Variants in PDZD2 observed in about 807,000 individuals in gnomAD.
The protein encoded by PDZD2 is PDZ domain containing 2.
In PDZD2, 90 loss-of-function variants were observed where a neutral mutation model predicts 220.7. That is an observed-to-expected ratio of 0.41 (90% CI 0.34 to 0.49). The LOEUF (loss-of-function observed/expected upper bound fraction) is 0.49. Among genes scored for constraint, PDZD2 ranks in the 20% least tolerant of loss-of-function variants. The probability of loss-of-function intolerance (pLI) is 0.28; values close to 1 mark genes in which losing one functional copy is unlikely to be tolerated. For synonymous variants in PDZD2, 1,375 were observed against 1,450.5 expected, an observed-to-expected ratio of 0.95 and a Z score of 1.18; for missense variants, 3,174 against 3,608.5, an observed-to-expected ratio of 0.88 and a Z score of 3.08.
Position 32,089,769 on chromosome 5 carries a change from C to A in PDZD2, c.6321C>A (p.Asn2107Lys). The A allele has an allele frequency of 6.2e-7, 1 of 1,614,164 alleles. No individual in the cohort carries two copies. The highest frequency in any genetic ancestry group is 8.5e-7 in the Non-Finnish European group (1 of 1,180,006). ...AEAVSETVCG[N>K]KPAESDRRGG... The stretch of plus-strand genomic sequence containing the variant: ...CAGTGTCAGAGACTGTATGTGGTAA[C>A]AAGCCAGCTGAAAGCGACAGACGGG... Residue 2107 changes from asparagine (N) to lysine (K), a missense_variant, in exon 20 of 25, where the codon AAC becomes AAA. This residue lies in a region of PDZD2 where 1,861 missense variants were observed against 2,001.0 expected (regional missense o/e 0.93). Transcript: ENST00000438447.
chr5:31,923,095 C>G (rs1744423962), intron 2 of PDZD2, among the ~76,000 whole-genome samples: 1 of 151,822 alleles, frequency 6.6e-6, no homozygotes, highest in Non-Finnish European at 1.5e-5. Flanking sequence ...GAGTTCAAGA[C>G]CAGCCTGGCC....
At chr5:31,645,968 C>T (rs552314672) in intron 1 of PDZD2, among the ~76,000 whole-genome samples, 32 of 151,858 alleles carry the variant, frequency 2.1e-4, no homozygotes, top group Non-Finnish European at 3.5e-4. Context: ...GGGAACTGGG[C>T]TGCCTTACAT....
At chr5:32,055,639 C>T (rs1247380518) in intron 10 of PDZD2, among the ~76,000 whole-genome samples, 1 of 152,140 alleles carries the variant, frequency 6.6e-6, no homozygotes, top group African/African-American at 2.4e-5. Context: ...GTTCAATTGA[C>T]CTAAACTTCA....
intron 1 of PDZD2, among the ~76,000 whole-genome samples, chr5:31,726,943 G>A (rs1290709712): frequency 1.3e-5 from 2 of 152,202 alleles, no homozygotes; most frequent in Non-Finnish European, 2.9e-5. Flanking sequence ...CTTCTGGGGG[G>A]CCTCAGGGAG....
intron 2 of PDZD2, among the ~76,000 whole-genome samples, chr5:31,972,560 C>T (rs1749401336): frequency 6.6e-6 from 1 of 152,150 alleles, no homozygotes; most frequent in Non-Finnish European, 1.5e-5. Context: ...ACTTCTGTGT[C>T]CTCAAATGCC....
intron 24 of PDZD2, among the ~76,000 whole-genome samples, chr5:32,101,759 T>C (rs1744273521): frequency 6.6e-6 from 1 of 152,264 alleles, no homozygotes; most frequent in Non-Finnish European, 1.5e-5. Flanking sequence ...GGGGGATAGA[T>C]ATTATTGAAA....
chr5:32,076,584 G>A (rs886277465), intron 18 of PDZD2, among the ~76,000 whole-genome samples: 7 of 152,096 alleles, frequency 4.6e-5, no homozygotes, highest in Non-Finnish European at 1.0e-4. Flanking sequence ...CTTTTGGTAC[G>A]TGAGTTAAAT....
chr5:31,764,970 G>T (rs959575013), intron 1 of PDZD2, among the ~76,000 whole-genome samples: 2 of 152,104 alleles, frequency 1.3e-5, no homozygotes, highest in African/African-American at 4.8e-5. Flanking sequence ...CCAGCTACTC[G>T]GGAGGCTAAG....
chr5:31,758,118 T>C (rs1580698276), intron 1 of PDZD2, among the ~76,000 whole-genome samples: 1 of 152,004 alleles, frequency 6.6e-6, no homozygotes. Flanking sequence ...GCTCCCAGGG[T>C]TTTTCAGGTG....
At chr5:31,888,664 C>G (rs1455816345) in intron 2 of PDZD2, among the ~76,000 whole-genome samples, 1 of 152,172 alleles carries the variant, frequency 6.6e-6, no homozygotes, top group Non-Finnish European at 1.5e-5. Flanking sequence ...CTAACCCTTA[C>G]TATGTCCTAA....
intron 2 of PDZD2, among the ~76,000 whole-genome samples, chr5:31,921,151 G>C (rs953710823): frequency 6.6e-6 from 1 of 152,158 alleles, no homozygotes; most frequent in South Asian, 2.1e-4. Flanking sequence ...TAGATCCTCT[G>C]TGACAAACGG....
chr5:32,011,552 G>A (rs759748837), intron 6 of PDZD2, among the ~76,000 whole-genome samples: 1 of 152,044 alleles, frequency 6.6e-6, no homozygotes, highest in African/African-American at 2.4e-5. Flanking sequence ...TCCCAAATCT[G>A]AAAGATGTGT....
chr5:31,840,393 T>G (rs1757194358), intron 2 of PDZD2: 1 of 117,202 alleles, frequency 8.5e-6, no homozygotes, highest in African/African-American at 3.3e-5. Flanking sequence ...GTAGTCATTT[T>G]CATTATATAT....
At chr5:31,671,625 C>T (rs539789937) in intron 1 of PDZD2, among the ~76,000 whole-genome samples, 9 of 152,300 alleles carry the variant, frequency 5.9e-5, no homozygotes, top group African/African-American at 2.2e-4. Flanking sequence ...GTTGCTCCTG[C>T]TGTGAAATCT....
rs750784842 is a variant in PDZD2, at chr5:32,010,486, A to G, written c.1407+4A>G. 6.2e-7 allele frequency: 1 copy of G among 1,605,092 alleles called. No homozygotes were observed. ...CAGCTCTTCTGTCCAGAGAGCAGTA[A>G]GTGGCTCTGTGCTCCTGGCTTTCTG... is the stretch of plus-strand genomic sequence containing the variant. On this transcript the variant is annotated splice_donor_region_variant and intron_variant, in intron 6 of 24. Transcript: ENST00000438447.
chr5:31,704,963 C>A (rs1309868172), intron 1 of PDZD2, among the ~76,000 whole-genome samples: 3 of 152,154 alleles, frequency 2.0e-5, no homozygotes, highest in Non-Finnish European at 4.4e-5. Context: ...AAGTTCGAGA[C>A]CAACCTGGCC....
At chr5:31,842,132 G>A (rs1255692712) in intron 2 of PDZD2, among the ~76,000 whole-genome samples, 1 of 152,180 alleles carries the variant, frequency 6.6e-6, no homozygotes, top group African/African-American at 2.4e-5. Flanking sequence ...CATATAGCTT[G>A]ATAAGCCTTT....
chr5:31,735,145 A>G (rs1300037675), intron 1 of PDZD2, among the ~76,000 whole-genome samples: 2 of 152,194 alleles, frequency 1.3e-5, no homozygotes, highest in Admixed American at 6.5e-5. Flanking sequence ...GAGCGTGGAT[A>G]TGATGGCAGC....
intron 2 of PDZD2, among the ~76,000 whole-genome samples, chr5:31,968,865 C>T (rs886480826): frequency 0.096 from 14 of 146 alleles, no homozygotes; most frequent in Admixed American, 0.33. Flanking sequence ...ACCCAGCCTA[C>T]AGTAATTGTT....
Sources: gnomAD v4.1 joint callset for allele counts (sites outside exome capture counted in the v4.1 genomes callset) on GRCh38, gnomAD v4.1.1 for gene constraint, gnomAD v4.1.1 regional missense constraint, MANE v1.5 for transcripts, NCBI Gene and HGNC (gene_info 2026-07-23, HGNC 2026-07-21) for gene names.